Variants in NME7 observed in about 807,000 individuals in gnomAD.
The protein encoded by NME7 is NME/NM23 family member 7, also known as nucleoside diphosphate kinase 7.
Under a neutral mutation model 49.1 loss-of-function variants are expected in NME7, and 41 were observed. That is an observed-to-expected ratio of 0.83 (90% CI 0.65 to 1.08). The LOEUF (loss-of-function observed/expected upper bound fraction) is 1.08, where lower values mean the gene tolerates loss of function less well. Ranked by LOEUF, NME7 falls within the 50% of genes least tolerant of loss-of-function variation. NME7 has a pLI of 0.00. For synonymous variants in NME7, 139 were observed against 150.6 expected, an observed-to-expected ratio of 0.92 and a Z score of 0.56; for missense variants, 423 against 463.4, an observed-to-expected ratio of 0.91 and a Z score of 0.80.
At chr1:169,147,620 T>C (rs1276352269) in intron 11 of NME7, among the ~76,000 whole-genome samples, 1 of 127,218 alleles carries the variant, frequency 7.9e-6, no homozygotes, top group Non-Finnish European at 1.7e-5. Context: ...AAATAAAAAA[T>C]CAATAAGCAA....
chr1:169,145,487 C>T (rs892005151), intron 11 of NME7, among the ~76,000 whole-genome samples: 1 of 152,056 alleles, frequency 6.6e-6, no homozygotes, highest in Non-Finnish European at 1.5e-5. Flanking sequence ...CAGTGGGAGG[C>T]GGGGTGGAGG....
chr1:169,195,227 CT>C, intron 10 of NME7, among the ~76,000 whole-genome samples: 1 of 152,010 alleles, frequency 6.6e-6, no homozygotes, highest in South Asian at 2.1e-4. Context: ...TTTTAAAATT[CT>C]TTAATTTTAT....
chr1:169,136,311 G>C (rs1368056147), intron 11 of NME7, among the ~76,000 whole-genome samples: 2 of 152,190 alleles, frequency 1.3e-5, no homozygotes, highest in African/African-American at 4.8e-5. Flanking sequence ...TAGACAGCAA[G>C]AGAATAGTAT....
intron 10 of NME7, among the ~76,000 whole-genome samples, chr1:169,225,684 T>A (rs1647301570): frequency 6.6e-6 from 1 of 152,180 alleles, no homozygotes; most frequent in Non-Finnish European, 1.5e-5. Context: ...AGTCTAATAT[T>A]TCCCCCCTCC....
intron 5 of NME7, among the ~76,000 whole-genome samples, chr1:169,300,832 A>C (rs1361526129): frequency 6.6e-6 from 1 of 152,080 alleles, no homozygotes; most frequent in Non-Finnish European, 1.5e-5. Context: ...TAAGCAATGG[A>C]GAAAGGATTC....
rs1467493656 is a variant in NME7 at position 169,264,246 on chromosome 1, C to G, written c.754+23057G>C. ...ATGACAGGATCAAATTCACACATAT[C>G]AATACTAACCTTGAATATAAATGGG... On this transcript the variant is annotated intron_variant, in intron 7 of 11. Transcript: ENST00000367811. 1.5e-5 allele frequency among the ~76,000 whole-genome samples: 2 copies of G among 133,792 alleles called. 1 individual carries two copies. Among genetic ancestry groups the G allele is most frequent in the Non-Finnish European group, 3.5e-5 (2 of 56,952 alleles). 87.8% of individuals were successfully genotyped at this position (133,792 alleles called of 152,430 possible).
intron 3 of NME7, among the ~76,000 whole-genome samples, chr1:169,320,257 G>C (rs1337167545): frequency 6.6e-6 from 1 of 152,144 alleles, no homozygotes; most frequent in Non-Finnish European, 1.5e-5. Flanking sequence ...CATTTGATTA[G>C]AGGATCTTTA....
At position 169,236,550 on chromosome 1, in the gene NME7, T is replaced by A. The variant is rs532895824; in HGVS notation, c.819+1073A>T. 2.0e-4 allele frequency among the ~76,000 whole-genome samples: 30 copies of A among 152,248 alleles called. 1 individual carries two copies. The highest frequency in any genetic ancestry group is 6.5e-4 in the African/African-American group (27 of 41,566). ...GTGTTTAAAACTAACATTTCTATAT[T>A]TTTTTAAATAGGCTTACATGTCATC... On this transcript the variant is annotated intron_variant, in intron 8 of 11. Coordinates refer to ENST00000367811, the MANE Select transcript of NME7 (RefSeq NM_013330.5).
chr1:169,252,854 CA>C (rs1298121268), intron 7 of NME7, among the ~76,000 whole-genome samples: 12 of 148,556 alleles, frequency 8.1e-5, no homozygotes, highest in Non-Finnish European at 1.8e-4. Context: ...TCAGGTTTGT[CA>C]AAGATCAGAT....
chr1:169,149,202 G>C (rs1159505306), intron 11 of NME7, among the ~76,000 whole-genome samples: 1 of 152,152 alleles, frequency 6.6e-6, no homozygotes, highest in Admixed American at 6.5e-5. Flanking sequence ...ATAGCCGGGT[G>C]TGGTGGTGCA....
chr1:169,326,281 G>T (rs962926004), intron 1 of NME7, among the ~76,000 whole-genome samples: 1 of 152,022 alleles, frequency 6.6e-6, no homozygotes, highest in Admixed American at 6.5e-5. Flanking sequence ...ATAAACTGAG[G>T]AACTGTTGCT....
At chr1:169,201,058 C>T (rs894974250) in intron 10 of NME7, among the ~76,000 whole-genome samples, 2 of 151,994 alleles carry the variant, frequency 1.3e-5, no homozygotes, top group Admixed American at 6.6e-5. Flanking sequence ...TAGAGAGACC[C>T]TATCGCTACA....
At chr1:169,195,322 C>T (rs535829089) in intron 10 of NME7, among the ~76,000 whole-genome samples, 36 of 152,280 alleles carry the variant, frequency 2.4e-4, no homozygotes, top group African/African-American at 7.7e-4. Context: ...AGGGATCCTC[C>T]CACCTCAGCT....
chr1:169,150,179 C>T (rs955689158), intron 11 of NME7, among the ~76,000 whole-genome samples: 1 of 151,936 alleles, frequency 6.6e-6, no homozygotes, highest in African/African-American at 2.4e-5. Flanking sequence ...CTCTAGTTTA[C>T]AATATGTATA....
chr1:169,204,191 C>T (rs1660619154), intron 10 of NME7, among the ~76,000 whole-genome samples: 1 of 151,642 alleles, frequency 6.6e-6, no homozygotes, highest in South Asian at 2.1e-4. Flanking sequence ...CTGGGGTCCC[C>T]TTGTCCAAGT....
rs879686466 is a variant in NME7, at chr1:169,354,838, ATATAT to A, written c.3+12865_3+12869del. Among the ~76,000 whole-genome samples the A allele has an allele frequency of 2.9e-3, 386 of 134,950 alleles. 3 individuals are homozygous for A. Among genetic ancestry groups the A allele is most frequent in the Middle Eastern group, 0.013 (3 of 240 alleles). 88.5% of individuals were successfully genotyped at this position (134,950 alleles called of 152,430 possible). A position where few individuals can be genotyped will look rare whatever the true frequency, so the allele number is the denominator to read the frequency against. On this transcript the variant is annotated intron_variant, in intron 1 of 11. Coordinates refer to ENST00000367811, the MANE Select transcript of NME7 (RefSeq NM_013330.5). ...ATATAATATATATAATACATAATAGATATATTATATTATATAATAGATATATAATT... is the reference window on the plus strand; with the variant it reads ...ATATAATATATATAATACATAATAGATATATTATATAATAGATATATAATT...
At chr1:169,330,345 C>T (rs1652206293) in intron 1 of NME7, among the ~76,000 whole-genome samples, 1 of 152,018 alleles carries the variant, frequency 6.6e-6, no homozygotes, top group Non-Finnish European at 1.5e-5. Context: ...AAATCAAAAC[C>T]ACAATGTGGT....
rs965670168 is a variant in NME7 at position 169,257,907 on chromosome 1, G to C, written c.755-20220C>G. Among the ~76,000 whole-genome samples, 3 of 133,984 alleles carry C rather than the reference G, an allele frequency of 2.2e-5. 1 individual carries two copies. The highest frequency in any genetic ancestry group is 5.3e-5 in the Non-Finnish European group (3 of 57,012). 87.9% of individuals were successfully genotyped at this position (133,984 alleles called of 152,430 possible). On this transcript the variant is annotated intron_variant, in intron 7 of 11. Transcript: ENST00000367811. ...AGGTTTCTGCTGAGGAAATCTCTTAGTTTTTCAAGCAAACACAATGAAAGA... is the reference window on the plus strand; with the variant it reads ...AGGTTTCTGCTGAGGAAATCTCTTACTTTTTCAAGCAAACACAATGAAAGA...
chr1:169,225,445 A>T (rs1350673976), intron 10 of NME7, among the ~76,000 whole-genome samples: 1 of 152,150 alleles, frequency 6.6e-6, no homozygotes, highest in Admixed American at 6.5e-5. Context: ...GCAAATGCAG[A>T]GGACAGAGGA....
Sources: allele counts gnomAD v4.1 joint callset (sites outside exome capture counted in the v4.1 genomes callset), GRCh38; gene constraint gnomAD v4.1.1; transcripts MANE v1.5; gene names NCBI Gene and HGNC (gene_info 2026-07-23, HGNC 2026-07-21).